Variants in CCDC126 observed in about 807,000 individuals in gnomAD.
CCDC126 encodes the protein coiled-coil domain-containing protein 126.
Under a neutral mutation model 11.7 loss-of-function variants are expected in CCDC126, and 5 were observed. The observed-to-expected ratio is 0.43, with a 90% CI of 0.22 to 0.90. The LOEUF is 0.90. CCDC126 is among the 40% of genes least tolerant of loss of function. The probability of loss-of-function intolerance (pLI) is 0.27; values close to 1 mark genes in which losing one functional copy is unlikely to be tolerated. For missense variants in CCDC126, 150 were observed against 163.1 expected (o/e 0.92, Z 0.44); for synonymous variants, 60 against 61.9 (o/e 0.97, Z 0.14).
At position 23,615,351 on chromosome 7, in the gene CCDC126, T is replaced by G. The variant is rs562280470; in HGVS notation, c.238+3798T>G. ...GAATTGAAGAGAGTTGGGGTCTTGC[T>G]CTGGATTAGGCTTTGGCTTAAGAGA... On this transcript the variant is annotated intron_variant, in intron 3 of 3. Coordinates refer to ENST00000307471, the MANE Select transcript of CCDC126 (RefSeq NM_138771.4). 3.9e-5 allele frequency among the ~76,000 whole-genome samples: 6 copies of G among 152,350 alleles called. No homozygotes were observed. In the South Asian group the frequency reaches 1.2e-3, roughly 32 times the overall value.
chr7:23,599,666 G>A (rs1377808424), intron 2 of CCDC126, among the ~76,000 whole-genome samples: 1 of 151,726 alleles, frequency 6.6e-6, no homozygotes, highest in African/African-American at 2.4e-5. Flanking sequence ...CACCATGTTG[G>A]TCAGGCTGGT....
At chr7:23,622,852 C>T (rs1399535217) in intron 3 of CCDC126, 4 of 400,944 alleles carry the variant, frequency 1.0e-5, no homozygotes, top group African/African-American at 4.2e-5. Flanking sequence ...ATTCCTCTGC[C>T]TTTCTGCAAC....
rs1038935762 is a variant in CCDC126, at chr7:23,644,020, T to C, written c.*905T>C. ...TATATTGGTCTAGGAGGAAGGGACTTTGGAGAATGGAACTCTTGAGGACTT... is the reference window on the plus strand; with the variant it reads ...TATATTGGTCTAGGAGGAAGGGACTCTGGAGAATGGAACTCTTGAGGACTT... On this transcript the variant is annotated 3_prime_UTR_variant, in exon 4 of 4. Coordinates refer to ENST00000307471, the MANE Select transcript of CCDC126 (RefSeq NM_138771.4). 1 of 152,118 alleles carries C rather than the reference T, an allele frequency of 6.6e-6. No individual in the cohort carries two copies. Among genetic ancestry groups the C allele is most frequent in the African/African-American group, 2.4e-5 (1 of 41,452 alleles). The allele number at this position is 152,118 out of a possible 1,614,324, so 9.4% of individuals were successfully genotyped here. A position where few individuals can be genotyped will look rare whatever the true frequency, so the allele number is the denominator to read the frequency against.
intron 2 of CCDC126, 37 bp downstream of exon 2, chr7:23,598,088 CTG>C (rs1311808300): frequency 6.6e-6 from 1 of 152,256 alleles, no homozygotes; most frequent in African/African-American, 2.4e-5. Context: ...TGATTGTTGA[CTG>C]TGACGGTAAT....
chr7:23,602,900 T>G (rs983711453), intron 2 of CCDC126, among the ~76,000 whole-genome samples: 4 of 152,078 alleles, frequency 2.6e-5, no homozygotes, highest in Non-Finnish European at 4.4e-5. Context: ...ACAGGAATCC[T>G]GTCTTTCATA....
At chr7:23,598,943 A>G (rs1419582782) in intron 2 of CCDC126, among the ~76,000 whole-genome samples, 1 of 152,190 alleles carries the variant, frequency 6.6e-6, no homozygotes, top group Non-Finnish European at 1.5e-5. Flanking sequence ...TTTCAATGAT[A>G]AAGGTTTTTA....
At chr7:23,620,188 A>G (rs1269326847) in intron 3 of CCDC126, among the ~76,000 whole-genome samples, 1 of 152,220 alleles carries the variant, frequency 6.6e-6, no homozygotes, top group Non-Finnish European at 1.5e-5. Context: ...ACTAGTTTAC[A>G]GTCCCACCAA....
intron 3 of CCDC126, among the ~76,000 whole-genome samples, chr7:23,631,331 A>T (rs1783109074): frequency 6.6e-6 from 1 of 152,216 alleles, no homozygotes; most frequent in Non-Finnish European, 1.5e-5. Context: ...CAGACCCTGC[A>T]GATATCAAAA....
chr7:23,625,454 A>C (rs891064261), intron 3 of CCDC126, among the ~76,000 whole-genome samples: 4 of 152,254 alleles, frequency 2.6e-5, no homozygotes, highest in East Asian at 3.9e-4. Context: ...ATTTATATGC[A>C]GACTTTGACC....
At chr7:23,609,712 A>AT (rs1782675112) in intron 2 of CCDC126, among the ~76,000 whole-genome samples, 1 of 151,912 alleles carries the variant, frequency 6.6e-6, no homozygotes, top group African/African-American at 2.4e-5. Flanking sequence ...ACAAAAAAAA[A>AT]TTAGCCAGGT....
intron 2 of CCDC126, among the ~76,000 whole-genome samples, chr7:23,601,155 AG>A (rs1471762729): frequency 6.6e-6 from 1 of 152,136 alleles, no homozygotes; most frequent in Non-Finnish European, 1.5e-5. Flanking sequence ...AAGCTGAGGC[AG>A]GAAGATCGCC....
At chr7:23,632,886 A>T (rs1192968305) in intron 3 of CCDC126, among the ~76,000 whole-genome samples, 1 of 152,238 alleles carries the variant, frequency 6.6e-6, no homozygotes, top group African/African-American at 2.4e-5. Context: ...CAAAGCCATT[A>T]TATAGCATTT....
At chr7:23,614,476 A>G (rs576978489) in intron 3 of CCDC126, among the ~76,000 whole-genome samples, 1 of 152,276 alleles carries the variant, frequency 6.6e-6, no homozygotes, top group South Asian at 2.1e-4. Context: ...ATCACCTTCT[A>G]ATTCATTCAT....
At chr7:23,642,327 A>C (rs1250108815) in intron 3 of CCDC126, among the ~76,000 whole-genome samples, 2 of 152,172 alleles carry the variant, frequency 1.3e-5, no homozygotes, top group Non-Finnish European at 2.9e-5. Context: ...TAAGAAACTC[A>C]AGGTAAATGA....
chr7:23,623,830 C>T (rs1489991287), intron 3 of CCDC126, among the ~76,000 whole-genome samples: 1 of 152,130 alleles, frequency 6.6e-6, no homozygotes, highest in Non-Finnish European at 1.5e-5. Flanking sequence ...GACATCACTT[C>T]GTAACCCATA....
rs547648704 is a variant in CCDC126 at position 23,633,653 on chromosome 7, C to T, written c.239-9278C>T. On this transcript the variant is annotated intron_variant, in intron 3 of 3. Coordinates refer to ENST00000307471, the MANE Select transcript of CCDC126 (RefSeq NM_138771.4). ...CCAAGGAGGGAGGATCACTTAAGATCGGGAGTTCGATACCAGCCTGGCAAC... is the reference window on the plus strand; with the variant it reads ...CCAAGGAGGGAGGATCACTTAAGATTGGGAGTTCGATACCAGCCTGGCAAC... Among the ~76,000 whole-genome samples, 140 of 152,150 alleles carry T rather than the reference C, an allele frequency of 9.2e-4. 3 individuals are homozygous for T. The South Asian group carries it at 0.02, about 22-fold the overall frequency.
chr7:23,636,789 C>T (rs1396076474), intron 3 of CCDC126, among the ~76,000 whole-genome samples: 3,693 of 138,370 alleles, frequency 0.027, 147 homozygotes, highest in African/African-American at 0.09. Context: ...GTCAGCCCCC[C>T]GCCCGGCCAG....
At chr7:23,599,060 T>G (rs992408605) in intron 2 of CCDC126, among the ~76,000 whole-genome samples, 6 of 152,194 alleles carry the variant, frequency 3.9e-5, no homozygotes, top group Non-Finnish European at 5.9e-5. Context: ...TCAAACTACC[T>G]TGAAAGAAGG....
At chr7:23,610,077 C>T (rs1389356259) in intron 2 of CCDC126, among the ~76,000 whole-genome samples, 1 of 152,122 alleles carries the variant, frequency 6.6e-6, no homozygotes, top group Non-Finnish European at 1.5e-5. Context: ...CTGTGATTAA[C>T]ACCTTTCTGT....
Sources: allele counts gnomAD v4.1 joint callset (sites outside exome capture counted in the v4.1 genomes callset), GRCh38; gene constraint gnomAD v4.1.1; transcripts MANE v1.5; gene names NCBI Gene and HGNC (gene_info 2026-07-23, HGNC 2026-07-21).